Variants in VARS1 observed in about 807,000 individuals in gnomAD.
VARS1 encodes valyl-tRNA synthetase 1.
In VARS1, 92 loss-of-function variants were observed where a neutral mutation model predicts 161.0. The ratio of observed to expected loss-of-function variants is 0.57; its 90% CI spans 0.48 to 0.68. VARS1 has a LOEUF of 0.68. Among genes scored for constraint, VARS1 ranks in the 30% least tolerant of loss-of-function variants. The pLI, the probability that VARS1 is intolerant of heterozygous loss-of-function variation, is 0.00. For synonymous variants in VARS1, 595 were observed against 682.5 expected (o/e 0.87, Z 2.00); for missense variants, 1,338 against 1,695.9 (o/e 0.79, Z 3.71).
intron 8 of VARS1, among the ~76,000 whole-genome samples, chr6:31,786,595 G>C (rs1431571374): frequency 1.3e-5 from 2 of 148,532 alleles, no homozygotes; most frequent in Non-Finnish European, 3.0e-5. Context: ...GAAGCTGGGA[G>C]GGGGAGGTTG....
chr6:31,781,974 C>A lies in VARS1; in HGVS notation c.2242-22G>T. 1 of 1,613,124 alleles carries A rather than the reference C, an allele frequency of 6.2e-7. No homozygotes were observed. Among genetic ancestry groups the A allele is most frequent in the Non-Finnish European group, 8.5e-7 (1 of 1,179,992 alleles). ...GGTCCTGCCACAGGTGCAGTGATTA[C>A]CCAAGGGGGTGTGTCTGCTTCTGGC... On this transcript the variant is annotated intron_variant, in intron 18 of 29. Coordinates refer to ENST00000375663, the MANE Select transcript of VARS1 (RefSeq NM_006295.3). The surrounding 1 kb of genome is among the most constrained non-coding windows in gnomAD (Gnocchi z 6.8).
Position 31,780,110 on chromosome 6 carries a change from C to T in VARS1, c.2969G>A (p.Arg990His), listed in dbSNP as rs372518287. The T allele has an allele frequency of 1.2e-6, 2 of 1,614,054 alleles. No individual in the cohort carries two copies. The highest frequency in any genetic ancestry group is 2.2e-5 in the East Asian group (1 of 44,880). Residue 990 changes from arginine to histidine, a missense_variant, in exon 26 of 30, where the codon CGC becomes CAC. Arg to His is a conservative substitution (Grantham distance 29). Around this residue, in one of 3 missense-constraint regions of VARS1, gnomAD observed 433 missense variants for 586.2 expected, o/e 0.74. Transcript: ENST00000375663. This position sits in a 1 kb window ranked among gnomAD's most constrained non-coding sequence, Gnocchi z 5.1. ...GCTGAGCCTCACAGCCTCTGTCAGG[C>T]GGCTGCGGATCCAGCGGTCCACCAG... ...ESLVDRWIRS[R>H]LTEAVRLSNQ... is the part of the protein sequence containing the mutation.
rs371570157 is a variant in VARS1, at chr6:31,779,215, C to T, written c.3478G>A (p.Ala1160Thr). Reference protein sequence around the residue: ...VSGYVQALASAGVVAVLALGA... With the variant: ...VSGYVQALASTGVVAVLALGA... ...AGGGCCAGAACAGCCACCACACCTG[C>T]GCTGGCCAGGGCCTGCACGTAGCCC... The change falls in exon 29 of 30, where the codon GCA becomes ACA. Residue 1160 changes from alanine to threonine, a missense_variant. Transcript: ENST00000375663. The surrounding 1 kb of genome is among the most constrained non-coding windows in gnomAD (Gnocchi z 9.1). 6.2e-6 allele frequency: 10 copies of T among 1,607,162 alleles called. No homozygotes were observed. Among genetic ancestry groups the T allele is most frequent in the Admixed American group, 3.4e-5 (2 of 59,668 alleles).
Position 31,779,538 on chromosome 6 carries a change from T to A in VARS1, c.3289-2A>T. 1 of 1,610,586 alleles carries A rather than the reference T, an allele frequency of 6.2e-7. No individual in the cohort carries two copies. The highest frequency in any genetic ancestry group is 2.2e-5 in the East Asian group (1 of 44,754). ...TGCCTCGGGGTCCTTCCAGGAGCAC[T>A]GTGGGGTGGAGGAGGGGGTGAGGGG... On this transcript the variant is annotated splice_acceptor_variant, in intron 27 of 29. Transcript: ENST00000375663. LOFTEE classifies it high-confidence loss of function. The surrounding 1 kb of genome is among the most constrained non-coding windows in gnomAD (Gnocchi z 9.1).
Position 31,784,480 on chromosome 6 carries a change from C to G in VARS1, c.1490G>C (p.Gly497Ala). The change falls in exon 12 of 30, where the codon GGT becomes GCT. Residue 497 changes from glycine to alanine, a missense_variant. Transcript: ENST00000375663. This position sits in a 1 kb window ranked among gnomAD's most constrained non-coding sequence, Gnocchi z 6.1. Reference protein sequence around the residue: ...DIEVDKKELTGRTLLSVPGYK... With the variant: ...DIEVDKKELTARTLLSVPGYK... ...GCCAGGCACGGAGAGCAGGGTGCGA[C>G]CTGTCAGCTCCTTCTTATCCACCTG... is the stretch of plus-strand genomic sequence containing the variant. 6.2e-7 allele frequency: 1 copy of G among 1,614,116 alleles called. No homozygotes were observed. The highest frequency in any genetic ancestry group is 8.5e-7 in the Non-Finnish European group (1 of 1,180,044).
At position 31,782,569 on chromosome 6, in the gene VARS1, C is replaced by T. The variant is rs1273416804; in HGVS notation, c.1952G>A (p.Arg651His). 10 of 1,613,066 alleles carry T rather than the reference C, an allele frequency of 6.2e-6. No individual in the cohort carries two copies. Among genetic ancestry groups the T allele is most frequent in the Admixed American group, 1.7e-5 (1 of 60,032 alleles). ...LVALKERGLFRGIEDNPMVVP... is the reference protein window; with the variant it reads ...LVALKERGLFHGIEDNPMVVP... The stretch of plus-strand genomic sequence containing the variant: ...CACCATGGGGTTGTCCTCAATGCCA[C>T]GGAACAGTCCCCGCTCCTTCAGCGC... Residue 651 changes from arginine (R) to histidine (H), a missense_variant, in exon 16 of 30, where the codon CGT (arginine) becomes CAT (histidine). Around this residue, in one of 3 missense-constraint regions of VARS1, gnomAD observed 902 missense variants for 1,090.3 expected, o/e 0.83. Transcript: ENST00000375663. The surrounding 1 kb of genome is among the most constrained non-coding windows in gnomAD (Gnocchi z 8.3).
rs1164531457 is a variant in VARS1, at chr6:31,777,768, AG to A, written c.3727-107del. On this transcript the variant is annotated intron_variant, in intron 29 of 29. Coordinates refer to ENST00000375663, the MANE Select transcript of VARS1 (RefSeq NM_006295.3). This position sits in a 1 kb window ranked among gnomAD's most constrained non-coding sequence, Gnocchi z 5.8. ...AGATGAGCGAGGACCATGGGAGGTC[AG>A]TAGCTCAGAGGAGGCGTGAACCTGG... The A allele has an allele frequency of 1.5e-6, 2 of 1,352,614 alleles. No individual in the cohort carries two copies. Among genetic ancestry groups the A allele is most frequent in the African/African-American group, 2.9e-5 (2 of 68,932 alleles). The allele number at this position is 1,352,614 out of a possible 1,614,324, so 83.8% of individuals were successfully genotyped here.
chr6:31,794,790 C>T, intron 2 of VARS1, 41 bp downstream of exon 2: 1 of 1,510,682 alleles, frequency 6.6e-7, no homozygotes, highest in Non-Finnish European at 8.9e-7. Context: ...CTTCCCTCCT[C>T]TGAATTTCTC....
In VARS1 at chr6:31,779,571, G is replaced by T; in HGVS notation, c.3289-35C>A. 1.9e-6 allele frequency: 3 copies of T among 1,611,712 alleles called. No homozygotes were observed. Among genetic ancestry groups the T allele is most frequent in the Non-Finnish European group, 2.5e-6 (3 of 1,179,228 alleles). On this transcript the variant is annotated intron_variant, in intron 27 of 29. Coordinates refer to ENST00000375663, the MANE Select transcript of VARS1 (RefSeq NM_006295.3). The surrounding 1 kb of genome is among the most constrained non-coding windows in gnomAD (Gnocchi z 9.1). Reference sequence around the variant, plus strand: ...GGAGGAGGGGGTGAGGGGGCCTGGAGGGCAGGTCAGACTCCCCTCTCCAGG... The same window carrying T: ...GGAGGAGGGGGTGAGGGGGCCTGGATGGCAGGTCAGACTCCCCTCTCCAGG...
intron 2 of VARS1, among the ~76,000 whole-genome samples, chr6:31,793,973 G>A (rs1814075762): frequency 1.3e-5 from 2 of 151,756 alleles, no homozygotes; most frequent in African/African-American, 2.4e-5. Context: ...ACAAGGTGGT[G>A]GGCGCCTGTA....
chr6:31,787,822 A>G (rs1813598961), intron 8 of VARS1, among the ~76,000 whole-genome samples: 1 of 151,726 alleles, frequency 6.6e-6, no homozygotes, highest in Admixed American at 6.6e-5. Flanking sequence ...ATTTTATTAA[A>G]AAATTGAAAA....
In VARS1 at chr6:31,782,064, G is replaced by C. The variant is rs745571001; in HGVS notation, c.2241+23C>G. 8.6e-5 allele frequency: 139 copies of C among 1,612,422 alleles called. No homozygotes were observed. Among genetic ancestry groups the C allele is most frequent in the Non-Finnish European group, 1.1e-4 (134 of 1,179,154 alleles). ...ACCACTCCAGCAGGGTGTCCCAGCA[G>C]CTAGCTCTGGCCCTCTGCTCACCTC... On this transcript the variant is annotated intron_variant, in intron 18 of 29. Coordinates refer to ENST00000375663, the MANE Select transcript of VARS1 (RefSeq NM_006295.3). The surrounding 1 kb of genome is among the most constrained non-coding windows in gnomAD (Gnocchi z 8.3).
At position 31,782,438 on chromosome 6, in the gene VARS1, G is replaced by T. The variant is rs940612260; in HGVS notation, c.1997C>A (p.Ser666Ter). ...CAGCAGAGGCTCTACCACGTCCTTC[G>T]ACCGGCTGGGGGTACACGTAGGTGA... ...NPMVVPLCNR[S>*]KDVVEPLLRP... Residue 666 changes from serine (S) to a stop codon, truncating the protein, a stop_gained, in exon 17 of 30, where the codon TCG (serine) becomes TAG (stop). Coordinates refer to ENST00000375663, the MANE Select transcript of VARS1 (RefSeq NM_006295.3). LOFTEE classifies it high-confidence loss of function. The surrounding 1 kb of genome is among the most constrained non-coding windows in gnomAD (Gnocchi z 8.3). The T allele has an allele frequency of 6.2e-7, 1 of 1,612,046 alleles. No individual in the cohort carries two copies. The highest frequency in any genetic ancestry group is 8.5e-7 in the Non-Finnish European group (1 of 1,179,488).
chr6:31,781,868 C>T lies in VARS1; in HGVS notation c.2326G>A (p.Asp776Asn). The T allele has an allele frequency of 1.2e-6, 2 of 1,613,026 alleles. No homozygotes were observed. Among genetic ancestry groups the T allele is most frequent in the Non-Finnish European group, 8.5e-7 (1 of 1,180,036 alleles). The change falls in exon 19 of 30, where the codon GAC (aspartate) becomes AAC (asparagine). Residue 776 changes from aspartate (D) to asparagine (N), a missense_variant. By Grantham distance (23) the Asp-to-Asn change is conservative (BLOSUM62 1). Coordinates refer to ENST00000375663, the MANE Select transcript of VARS1 (RefSeq NM_006295.3). The surrounding 1 kb of genome is among the most constrained non-coding windows in gnomAD (Gnocchi z 6.8). Reference protein sequence around the residue: ...KAAKEFGVSPDKISLQQDEDV... With the variant: ...KAAKEFGVSPNKISLQQDEDV... ...TTGCCTTGCTGGAGACTGATCTTGT[C>T]AGGGGACACTCCGAACTCCTTGGCT...
chr6:31,779,638 G>A lies in VARS1; in HGVS notation c.3258C>T (p.Leu1086=). 6.2e-7 allele frequency: 1 copy of A among 1,612,816 alleles called. No individual in the cohort carries two copies. Among genetic ancestry groups the A allele is most frequent in the East Asian group, 2.2e-5 (1 of 44,878 alleles). Residue 1086 remains leucine (L), a synonymous_variant, in exon 27 of 30, where the codon CTC becomes CTT. Transcript: ENST00000375663. This position sits in a 1 kb window ranked among gnomAD's most constrained non-coding sequence, Gnocchi z 9.1. ...AGGGCTCCGGGTAGGGGGTAACACAGAGGCTAGGGGGAGCTTGCGGCATCC... is the reference window on the plus strand; with the variant it reads ...AGGGCTCCGGGTAGGGGGTAACACAAAGGCTAGGGGGAGCTTGCGGCATCC... The part of the protein sequence containing the change: ...PRRMPQAPPS[L]CVTPYPEPSE...
chr6:31,793,998 G>A (rs1302265352), intron 2 of VARS1, among the ~76,000 whole-genome samples: 1 of 149,476 alleles, frequency 6.7e-6, no homozygotes, highest in Non-Finnish European at 1.5e-5. Flanking sequence ...CAGCTACTCA[G>A]AAGGCTGAGG....
Position 31,795,166 on chromosome 6 carries a change from C to A in VARS1, c.52G>T (p.Ala18Ser). 1 of 1,477,352 alleles carries A rather than the reference C, an allele frequency of 6.8e-7. No individual in the cohort carries two copies. Among genetic ancestry groups the A allele is most frequent in the Middle Eastern group, 1.8e-4 (1 of 5,428 alleles). 91.5% of individuals were successfully genotyped at this position (1,477,352 alleles called of 1,614,324 possible). Residue 18 changes from alanine (A) to serine (S), a missense_variant, in exon 2 of 30, where the codon GCC (alanine) becomes TCC (serine). Ala to Ser is a moderately conservative substitution (Grantham distance 99). Around this residue, in one of 3 missense-constraint regions of VARS1, gnomAD observed 902 missense variants for 1,090.3 expected, o/e 0.83. Coordinates refer to ENST00000375663, the MANE Select transcript of VARS1 (RefSeq NM_006295.3). This position sits in a 1 kb window ranked among gnomAD's most constrained non-coding sequence, Gnocchi z 6.9. The stretch of plus-strand genomic sequence containing the variant: ...TCCCCATAGCGAGCGGCTATGAGGG[C>A]TCGGAGGCTGGGGAAGGCATCTGGG... Reference protein sequence around the residue: ...PHPDAFPSLRALIAARYGEAG... With the variant: ...PHPDAFPSLRSLIAARYGEAG...
In VARS1 at chr6:31,780,875, C is replaced by A; in HGVS notation, c.2713G>T (p.Gly905Trp). 1 of 1,614,218 alleles carries A rather than the reference C, an allele frequency of 6.2e-7. No individual in the cohort carries two copies. The highest frequency in any genetic ancestry group is 8.5e-7 in the Non-Finnish European group (1 of 1,180,032). ...CCCAGCCCAACCCTCCATACCTGCC[C>A]TTCTTTGGCCTTCTCCACCTCGCTG... ...DPSEVEKAKEGQKADFPAGIP... is the reference protein window; with the variant it reads ...DPSEVEKAKEWQKADFPAGIP... Residue 905 changes from glycine (G) to tryptophan (W), a missense_variant, in exon 23 of 30, where the codon GGG becomes TGG. This residue lies in a region of VARS1 where 433 missense variants were observed against 586.2 expected (regional missense o/e 0.74). Coordinates refer to ENST00000375663, the MANE Select transcript of VARS1 (RefSeq NM_006295.3). The surrounding 1 kb of genome is among the most constrained non-coding windows in gnomAD (Gnocchi z 5.1).
At chr6:31,790,847 A>C (rs991495086) in intron 8 of VARS1, among the ~76,000 whole-genome samples, 1 of 152,162 alleles carries the variant, frequency 6.6e-6, no homozygotes, top group Non-Finnish European at 1.5e-5. Flanking sequence ...ATAAATTTCT[A>C]TGGGTACGTG....
Sources: gnomAD v4.1 joint callset for allele counts (sites outside exome capture counted in the v4.1 genomes callset) on GRCh38, gnomAD v4.1.1 for gene constraint, gnomAD v4.1.1 regional missense constraint, Gnocchi (gnomAD v3.1) non-coding constraint, MANE v1.5 for transcripts, NCBI Gene and HGNC (gene_info 2026-07-23, HGNC 2026-07-21) for gene names.